The following PLXNA2 variants were observed in gnomAD, a reference collection of about 807,000 sequenced individuals.
PLXNA2 encodes the protein plexin-A2.
PLXNA2 carries 91 observed loss-of-function variants against 193.5 expected under a neutral mutation model. That is an observed-to-expected ratio of 0.47 (90% confidence interval 0.40 to 0.56). The LOEUF (loss-of-function observed/expected upper bound fraction) is 0.56, where lower values mean the gene tolerates loss of function less well. PLXNA2 is among the 20% of genes least tolerant of loss of function. The pLI is 0.00. For synonymous variants in PLXNA2, 997 were observed against 1,027.3 expected (o/e 0.97, Z 0.56); for missense variants, 1,995 against 2,503.2 (o/e 0.80, Z 4.33).
rs1474725426 is a variant in PLXNA2 at position 208,024,504 on chromosome 1, A to G, written c.*2739T>C. ...TTAATTCCTTCCTTAAGGATGCCCCAGGCTACTTCCTTTGTCAGCCCAAGT... is the reference window on the plus strand; with the variant it reads ...TTAATTCCTTCCTTAAGGATGCCCCGGGCTACTTCCTTTGTCAGCCCAAGT... On this transcript the variant is annotated 3_prime_UTR_variant, in exon 32 of 32. Transcript: ENST00000367033. 6.6e-6 allele frequency: 1 copy of G among 152,234 alleles called. No homozygotes were observed. The highest frequency in any genetic ancestry group is 1.9e-4 in the East Asian group (1 of 5,192). The allele number at this position is 152,234 out of a possible 1,614,324, so 9.4% of individuals were successfully genotyped here.
chr1:208,080,851 C>T (rs12031641), intron 11 of PLXNA2, among the ~76,000 whole-genome samples: 1 of 152,114 alleles, frequency 6.6e-6, no homozygotes, highest in Admixed American at 6.5e-5. Context: ...TAAAGGGGAA[C>T]AGTCATTCAT....
At chr1:208,057,905 A>C (rs937326872) in intron 13 of PLXNA2, among the ~76,000 whole-genome samples, 1 of 152,210 alleles carries the variant, frequency 6.6e-6, no homozygotes, top group African/African-American at 2.4e-5. Context: ...CCACCAAAGC[A>C]AATGTAGAAA....
At chr1:208,138,981 C>G (rs1472450472) in intron 4 of PLXNA2, among the ~76,000 whole-genome samples, 1 of 152,192 alleles carries the variant, frequency 6.6e-6, no homozygotes, top group Non-Finnish European at 1.5e-5. Context: ...GAGCCAAGGT[C>G]ATGCCACTGC....
intron 4 of PLXNA2, among the ~76,000 whole-genome samples, chr1:208,136,458 C>G (rs1032292413): frequency 2.0e-5 from 3 of 152,184 alleles, no homozygotes; most frequent in Non-Finnish European, 4.4e-5. Flanking sequence ...CGTGGAGAAA[C>G]CAGAAATGAA....
chr1:208,113,546 C>T (rs200785193), intron 4 of PLXNA2, among the ~76,000 whole-genome samples: 8 of 105,714 alleles, frequency 7.6e-5, no homozygotes, highest in Middle Eastern at 6.1e-3. Context: ...CTCTCTCTCT[C>T]TTTTTTTTTT....
At chr1:208,195,815 G>A (rs1572020368) in intron 3 of PLXNA2, among the ~76,000 whole-genome samples, 1 of 152,026 alleles carries the variant, frequency 6.6e-6, no homozygotes, top group South Asian at 2.1e-4. Flanking sequence ...TGATGGTGGG[G>A]GGAGGTTGGG....
rs1338316043 is a variant in PLXNA2, at chr1:208,157,243, T to C, written c.1372-14780A>G. Among the ~76,000 whole-genome samples the C allele has an allele frequency of 3.3e-5, 5 of 152,248 alleles. No individual in the cohort carries two copies. In the East Asian group the frequency reaches 5.8e-4, roughly 18 times the overall value. On this transcript the variant is annotated intron_variant, in intron 3 of 31. Transcript: ENST00000367033. ...ATCTCATGCTGGATCCTGGTGCCTATGTTGACCTTCTTGGTAACATATGTG... is the reference window on the plus strand; with the variant it reads ...ATCTCATGCTGGATCCTGGTGCCTACGTTGACCTTCTTGGTAACATATGTG...
chr1:208,180,667 A>T (rs929205940), intron 3 of PLXNA2, among the ~76,000 whole-genome samples: 28 of 152,236 alleles, frequency 1.8e-4, no homozygotes, highest in African/African-American at 6.5e-4. Flanking sequence ...GGAAACTGAG[A>T]GTCACAGTGG....
In PLXNA2 at chr1:208,201,013, A is replaced by G. The variant is rs531956469; in HGVS notation, c.1371+9267T>C. 3.3e-4 allele frequency among the ~76,000 whole-genome samples: 50 copies of G among 152,366 alleles called. No homozygotes were observed. In the Middle Eastern group the frequency reaches 0.01, roughly 31 times the overall value. On this transcript the variant is annotated intron_variant, in intron 3 of 31. Transcript: ENST00000367033. ...AACATGGTAATAGTACAGGAGTGGT[A>G]GTAGTAATACTAGTAGGAGGAGTCA... is the stretch of plus-strand genomic sequence containing the variant.
chr1:208,228,993 G>T (rs1671599551), intron 1 of PLXNA2, among the ~76,000 whole-genome samples: 1 of 152,158 alleles, frequency 6.6e-6, no homozygotes. Flanking sequence ...GGCACCTGTG[G>T]CAGCACAGAA....
At chr1:208,098,731 A>G in intron 6 of PLXNA2, 115 bp downstream of exon 6, 3 of 1,220,142 alleles carry the variant, frequency 2.5e-6, no homozygotes, top group Non-Finnish European at 2.3e-6. Context: ...AAGTCTCCTT[A>G]CTGGATTTAA....
chr1:208,101,990 C>T (rs553138097), intron 5 of PLXNA2, among the ~76,000 whole-genome samples: 3 of 152,354 alleles, frequency 2.0e-5, no homozygotes, highest in Admixed American at 6.5e-5. Flanking sequence ...CCCCTTTTGC[C>T]ATTCTGGGGC....
chr1:208,228,751 T>C (rs1218636955), intron 1 of PLXNA2, among the ~76,000 whole-genome samples: 2 of 152,162 alleles, frequency 1.3e-5, no homozygotes, highest in Non-Finnish European at 2.9e-5. Flanking sequence ...ACAAACTGGT[T>C]GGTCTGTTGA....
chr1:208,072,983 G>T (rs1666022621), intron 12 of PLXNA2, among the ~76,000 whole-genome samples: 1 of 152,174 alleles, frequency 6.6e-6, no homozygotes, highest in South Asian at 2.1e-4. Context: ...CCTCACCATG[G>T]TGTGGTGGAG....
In PLXNA2 at chr1:208,031,637, C is replaced by T. The variant is rs761304221; in HGVS notation, c.5178G>A (p.Arg1726=). The change falls in exon 29 of 32, where the codon AGG becomes AGA. Residue 1726 remains arginine, a synonymous_variant. Coordinates refer to ENST00000367033, the MANE Select transcript of PLXNA2 (RefSeq NM_025179.4). Reference sequence around the variant, plus strand: ...GCACATCTGTGTCATGGATGCTGTGCCTGTCTGCCTGCTCATCTAGGAAAT... The same window carrying T: ...GCACATCTGTGTCATGGATGCTGTGTCTGTCTGCCTGCTCATCTAGGAAAT... ...MFDFLDEQAD[R]HSIHDTDVRH... is the part of the protein sequence containing the mutation. The T allele has an allele frequency of 1.9e-6, 3 of 1,613,960 alleles. No individual in the cohort carries two copies. Among genetic ancestry groups the T allele is most frequent in the Admixed American group, 1.7e-5 (1 of 60,000 alleles).
intron 17 of PLXNA2, among the ~76,000 whole-genome samples, chr1:208,050,378 T>A (rs1005835570): frequency 6.6e-6 from 1 of 152,242 alleles, no homozygotes; most frequent in Non-Finnish European, 1.5e-5. Context: ...GGAGCCAGAA[T>A]TTCTCCAACC....
At position 208,083,149 on chromosome 1, in the gene PLXNA2, A is replaced by G. The variant is rs995245392; in HGVS notation, c.2299-641T>C. The stretch of plus-strand genomic sequence containing the variant: ...TTCCGCACGAGCCTTACTTTAGCCA[A>G]TGGTCCACTAGGGAGAAGTGCCCAC... On this transcript the variant is annotated intron_variant, in intron 10 of 31. Transcript: ENST00000367033. Among the ~76,000 whole-genome samples, 155 of 152,218 alleles carry G rather than the reference A, an allele frequency of 1.0e-3. 1 individual carries two copies. Among genetic ancestry groups the G allele is most frequent in the Non-Finnish European group, 7.4e-5 (5 of 68,006 alleles).
At chr1:208,073,442 T>C (rs1055043330) in intron 12 of PLXNA2, among the ~76,000 whole-genome samples, 6 of 152,192 alleles carry the variant, frequency 3.9e-5, no homozygotes, top group Non-Finnish European at 4.4e-5. Context: ...AGAGGCTGCA[T>C]AACCTAGCCT....
chr1:208,168,669 T>G (rs1240870000), intron 3 of PLXNA2, among the ~76,000 whole-genome samples: 1 of 145,636 alleles, frequency 6.9e-6, no homozygotes, highest in African/African-American at 2.5e-5. Flanking sequence ...CCTCAGAGAC[T>G]AGGGAGTCTC....
Sources: allele counts gnomAD v4.1 joint callset (sites outside exome capture counted in the v4.1 genomes callset), GRCh38; gene constraint gnomAD v4.1.1; transcripts MANE v1.5; gene names NCBI Gene and HGNC (gene_info 2026-07-23, HGNC 2026-07-21).